STRN3: variants seen among roughly 807,000 people sequenced by gnomAD.
STRN3 encodes striatin-3.
A neutral mutation model predicts 95.6 loss-of-function variants in STRN3; 29 were observed. The observed-to-expected ratio is 0.30, with a 90% CI of 0.23 to 0.41. STRN3 has a LOEUF of 0.41. Ranked by LOEUF, STRN3 falls within the 10% of genes least tolerant of loss-of-function variation. The pLI is 1.00. For synonymous variants in STRN3, 331 were observed against 357.6 expected (o/e 0.93, Z 0.84); for missense variants, 890 against 972.1 (o/e 0.92, Z 1.12).
chr14:30,992,276 T>G (rs1229786799), intron 1 of STRN3, among the ~76,000 whole-genome samples: 3 of 151,626 alleles, frequency 2.0e-5, no homozygotes, highest in African/African-American at 7.3e-5. Flanking sequence ...CTGGGCATGG[T>G]GGCGGGCGCC....
At chr14:30,965,456 G>A (rs1283510429) in intron 1 of STRN3, among the ~76,000 whole-genome samples, 5 of 151,994 alleles carry the variant, frequency 3.3e-5, no homozygotes, top group Non-Finnish European at 1.5e-5. Flanking sequence ...GGAGACTAAG[G>A]CAGAAACGTC....
At chr14:30,936,444 T>A (rs747917633) in intron 6 of STRN3, 51 bp downstream of exon 6, 1 of 1,557,906 alleles carries the variant, frequency 6.4e-7, no homozygotes. Context: ...AAAATTCCCA[T>A]TCCAACTACA....
At chr14:30,951,964 A>T (rs1250247391) in intron 3 of STRN3, among the ~76,000 whole-genome samples, 1 of 152,234 alleles carries the variant, frequency 6.6e-6, no homozygotes, top group East Asian at 1.9e-4. Context: ...GCAAAAATAC[A>T]AAAGTTAGCC....
chr14:30,914,667 A>C (rs1389537862), intron 9 of STRN3, among the ~76,000 whole-genome samples: 3 of 144,496 alleles, frequency 2.1e-5, no homozygotes, highest in African/African-American at 7.6e-5. Flanking sequence ...TCCAGCTTTA[A>C]AGCTTTGACT....
intron 1 of STRN3, among the ~76,000 whole-genome samples, chr14:31,000,234 G>A (rs540037573): frequency 9.8e-6 from 1 of 101,910 alleles, no homozygotes; most frequent in African/African-American, 3.9e-5. Context: ...ACAAAAGATA[G>A]TATAAACGTA....
At chr14:30,956,555 G>A (rs1224188915) in intron 1 of STRN3, among the ~76,000 whole-genome samples, 1 of 151,974 alleles carries the variant, frequency 6.6e-6, no homozygotes, top group African/African-American at 2.4e-5. Flanking sequence ...TCGAGGCTGA[G>A]GAGACTCTGT....
chr14:30,943,902 C>T (rs1327936466), intron 5 of STRN3, among the ~76,000 whole-genome samples: 1 of 151,854 alleles, frequency 6.6e-6, no homozygotes, highest in Non-Finnish European at 1.5e-5. Context: ...AGCTGCTGTT[C>T]GAAAGTTATT....
intron 8 of STRN3, among the ~76,000 whole-genome samples, chr14:30,921,105 C>CACACACACA (rs1410378146): frequency 6.6e-6 from 1 of 151,436 alleles, no homozygotes; most frequent in East Asian, 1.9e-4. Context: ...CACACACACA[C>CACACACACA]ACTTCCTTAT....
intron 1 of STRN3, chr14:31,025,148 GTTTGGT>G (rs1016281336): frequency 1.3e-5 from 2 of 152,194 alleles, no homozygotes; most frequent in Admixed American, 6.5e-5. Context: ...CGATCGTCTG[GTTTGGT>G]TTTTTTATAG....
chr14:30,944,881 G>A (rs923691398), intron 5 of STRN3, among the ~76,000 whole-genome samples: 1 of 151,890 alleles, frequency 6.6e-6, no homozygotes, highest in East Asian at 1.9e-4. Context: ...CCAAAGTGCT[G>A]GGATTACAGA....
chr14:30,993,532 T>A (rs533314414), intron 1 of STRN3, among the ~76,000 whole-genome samples: 1 of 152,184 alleles, frequency 6.6e-6, no homozygotes, highest in Non-Finnish European at 1.5e-5. Flanking sequence ...AAGACTGAAA[T>A]TGTCAGAACT....
chr14:31,020,898 G>A (rs994947876), intron 1 of STRN3, among the ~76,000 whole-genome samples: 34 of 151,384 alleles, frequency 2.2e-4, no homozygotes, highest in African/African-American at 6.6e-4. Flanking sequence ...AGAGTAGGAC[G>A]CTCTCTTGAA....
intron 1 of STRN3, among the ~76,000 whole-genome samples, chr14:30,989,658 C>T (rs1157834621): frequency 1.3e-5 from 2 of 152,078 alleles, no homozygotes. Flanking sequence ...TGGGGTTTCA[C>T]TGTGTTAGCC....
chr14:30,907,272 A>G (rs992683032), intron 13 of STRN3, among the ~76,000 whole-genome samples: 2 of 151,966 alleles, frequency 1.3e-5, no homozygotes, highest in African/African-American at 4.8e-5. Context: ...TCTATAAAGA[A>G]ACATATGCTT....
chr14:30,958,816 TTA>T (rs1388734668), intron 1 of STRN3, among the ~76,000 whole-genome samples: 2 of 152,220 alleles, frequency 1.3e-5, no homozygotes, highest in Non-Finnish European at 2.9e-5. Flanking sequence ...TATTAGAATC[TTA>T]TACTGTTGTG....
intron 5 of STRN3, among the ~76,000 whole-genome samples, chr14:30,941,541 A>G (rs1044587676): frequency 6.6e-6 from 1 of 152,202 alleles, no homozygotes; most frequent in East Asian, 1.9e-4. Flanking sequence ...GGTGGAAAAT[A>G]CACTACCATT....
At chr14:30,957,370 G>A (rs375912503) in intron 1 of STRN3, among the ~76,000 whole-genome samples, 4 of 145,828 alleles carry the variant, frequency 2.7e-5, no homozygotes, top group East Asian at 2.1e-4. Flanking sequence ...GAAGAATGGC[G>A]TGAACCCAGG....
intron 1 of STRN3, among the ~76,000 whole-genome samples, chr14:31,011,368 C>T (rs1882960563): frequency 6.6e-6 from 1 of 152,108 alleles, no homozygotes; most frequent in African/African-American, 2.4e-5. Context: ...TACTCTCAAA[C>T]TGGGTATACA....
intron 1 of STRN3, among the ~76,000 whole-genome samples, chr14:30,983,653 T>C (rs1007456834): frequency 1.3e-5 from 2 of 152,230 alleles, no homozygotes; most frequent in African/African-American, 4.8e-5. Context: ...TACTCTACAC[T>C]AATTCAGTAT....
Sources: allele counts gnomAD v4.1 joint callset (sites outside exome capture counted in the v4.1 genomes callset), GRCh38; gene constraint gnomAD v4.1.1; transcripts MANE v1.5; gene names NCBI Gene and HGNC (gene_info 2026-07-23, HGNC 2026-07-21).